The following PPFIA2 variants were observed in gnomAD, a reference collection of about 807,000 sequenced individuals.
The protein encoded by PPFIA2 is PPFI scaffold protein A2.
In PPFIA2, 46 loss-of-function variants were observed where a neutral mutation model predicts 175.5. The ratio of observed to expected loss-of-function variants is 0.26; its 90% confidence interval spans 0.21 to 0.34. The LOEUF (loss-of-function observed/expected upper bound fraction) is 0.34. PPFIA2 is among the 10% of genes least tolerant of loss of function. The pLI is 1.00. For missense variants in PPFIA2, 1,179 were observed against 1,506.1 expected, an observed-to-expected ratio of 0.78 and a Z score of 3.60; for synonymous variants, 568 against 511.4, an observed-to-expected ratio of 1.11 and a Z score of -1.49.
chr12:81,635,720 A>T (rs2063911663), intron 4 of PPFIA2, among the ~76,000 whole-genome samples: 1 of 152,060 alleles, frequency 6.6e-6, no homozygotes, highest in Non-Finnish European at 1.5e-5. Flanking sequence ...TATTAGTTTG[A>T]GCTCCCTCAC....
chr12:81,672,675 T>A (rs899321343), intron 4 of PPFIA2, among the ~76,000 whole-genome samples: 4 of 152,024 alleles, frequency 2.6e-5, no homozygotes, highest in African/African-American at 9.7e-5. Context: ...AATGTATAGA[T>A]CTTATTATTC....
At chr12:81,448,003 G>GT (rs999269153) in intron 5 of PPFIA2, among the ~76,000 whole-genome samples, 36 of 149,952 alleles carry the variant, frequency 2.4e-4, no homozygotes, top group South Asian at 4.2e-4. Flanking sequence ...AATGAAAACT[G>GT]TTTTTTTTTC....
At chr12:81,493,227 A>T (rs61934749) in intron 4 of PPFIA2, among the ~76,000 whole-genome samples, 10,802 of 152,118 alleles carry the variant, frequency 0.071, 545 homozygotes, top group East Asian at 0.2. Flanking sequence ...CAAGTTGGAG[A>T]CGCTAATATA....
intron 4 of PPFIA2, among the ~76,000 whole-genome samples, chr12:81,592,866 C>T (rs145222957): frequency 1.7e-3 from 256 of 152,066 alleles, no homozygotes; most frequent in African/African-American, 5.9e-3. Context: ...AGTGATCCTC[C>T]GACCTCAGTC....
chr12:81,557,121 G>A (rs576549570), intron 4 of PPFIA2, among the ~76,000 whole-genome samples: 23 of 151,108 alleles, frequency 1.5e-4, no homozygotes, highest in Non-Finnish European at 3.2e-4. Flanking sequence ...ATTCTTATAT[G>A]CTTTTACTGA....
intron 4 of PPFIA2, among the ~76,000 whole-genome samples, chr12:81,485,361 T>C (rs746368080): frequency 3.4e-4 from 51 of 151,716 alleles, no homozygotes; most frequent in Non-Finnish European, 5.2e-4. Context: ...ATATAATTAT[T>C]CTTACATATT....
At chr12:81,267,198 CTTTTT>C in intron 29 of PPFIA2, 178 bp from the exon 30 acceptor site, 12 of 484,766 alleles carry the variant, frequency 2.5e-5, no homozygotes, top group East Asian at 4.0e-5. Flanking sequence ...AAAAACAGGG[CTTTTT>C]TTTTTTTTTC....
At chr12:81,476,344 G>GTTGA (rs1352679951) in intron 4 of PPFIA2, among the ~76,000 whole-genome samples, 1 of 152,164 alleles carries the variant, frequency 6.6e-6, no homozygotes, top group Non-Finnish European at 1.5e-5. Flanking sequence ...TAAAGCAGAA[G>GTTGA]TTGAATATGA....
chr12:81,713,724 T>C (rs1336936962), intron 3 of PPFIA2, among the ~76,000 whole-genome samples: 3 of 151,224 alleles, frequency 2.0e-5, no homozygotes, highest in African/African-American at 7.2e-5. Flanking sequence ...GTCACTGCTA[T>C]GAAGTTTATT....
intron 3 of PPFIA2, among the ~76,000 whole-genome samples, chr12:81,707,329 AAAAC>A (rs1252771291): frequency 4.6e-5 from 7 of 152,250 alleles, no homozygotes; most frequent in African/African-American, 1.4e-4. Flanking sequence ...TTACAAGAAA[AAAAC>A]AAACAACCCC....
Position 81,358,160 on chromosome 12 carries a change from G to T in PPFIA2, c.1695C>A (p.Ser565Arg). 1 of 1,598,204 alleles carries T rather than the reference G, an allele frequency of 6.3e-7. No individual in the cohort carries two copies. Among genetic ancestry groups the T allele is most frequent in the Non-Finnish European group, 8.5e-7 (1 of 1,171,722 alleles). ...LRYSVGSLVD[S>R]QSDYRTTKVI... ...CTTTAGTTGTTCTGTAATCAGACTG[G>T]CTGTCCACTAGGGATCCCACTGAGT... Residue 565 changes from serine (S) to arginine (R), a missense_variant, in exon 16 of 33, where the codon AGC (serine) becomes AGA (arginine). Around this residue, in one of 10 missense-constraint regions of PPFIA2, gnomAD observed 186 missense variants for 163.6 expected, o/e 1.14. Transcript: ENST00000549396.
rs552892343 is a variant in PPFIA2, at chr12:81,479,154, C to T, written c.304-21288G>A. Among the ~76,000 whole-genome samples, 27 of 152,168 alleles carry T rather than the reference C, an allele frequency of 1.8e-4. No individual in the cohort carries two copies. The South Asian group carries it at 3.3e-3, about 19-fold the overall frequency. On this transcript the variant is annotated intron_variant, in intron 4 of 32. Coordinates refer to ENST00000549396, the MANE Select transcript of PPFIA2 (RefSeq NM_003625.5). Reference sequence around the variant, plus strand: ...AGTTAGCTCTACTTGTTGCATTGATCCCTTTACCAGTATGTAATGGCCTTC... The same window carrying T: ...AGTTAGCTCTACTTGTTGCATTGATTCCTTTACCAGTATGTAATGGCCTTC...
intron 21 of PPFIA2, among the ~76,000 whole-genome samples, chr12:81,329,949 A>T (rs2055753678): frequency 6.6e-6 from 1 of 152,124 alleles, no homozygotes; most frequent in African/African-American, 2.4e-5. Context: ...GAGTCTTAAA[A>T]TTTTTCAAGG....
intron 27 of PPFIA2, among the ~76,000 whole-genome samples, chr12:81,277,766 T>C (rs925572456): frequency 1.3e-5 from 2 of 152,130 alleles, no homozygotes; most frequent in Non-Finnish European, 2.9e-5. Context: ...AAAGTCCCCA[T>C]TATGGAGACA....
intron 4 of PPFIA2, among the ~76,000 whole-genome samples, chr12:81,524,114 C>T (rs942291771): frequency 1.3e-5 from 2 of 152,162 alleles, no homozygotes; most frequent in African/African-American, 2.4e-5. Flanking sequence ...TCATGAAGAA[C>T]ATCAGTGCCC....
At chr12:81,706,534 T>A (rs1397695248) in intron 3 of PPFIA2, among the ~76,000 whole-genome samples, 1 of 152,228 alleles carries the variant, frequency 6.6e-6, no homozygotes, top group Non-Finnish European at 1.5e-5. Flanking sequence ...ATTCATTGAT[T>A]TCTAATAGAA....
chr12:81,498,780 A>G (rs2060284448), intron 4 of PPFIA2, among the ~76,000 whole-genome samples: 1 of 152,006 alleles, frequency 6.6e-6, no homozygotes, highest in African/African-American at 2.4e-5. Flanking sequence ...ACACACCACC[A>G]TGCTTGGATA....
At chr12:81,591,135 G>GAGCAAAGGTGAA (rs2058627800) in intron 4 of PPFIA2, among the ~76,000 whole-genome samples, 2 of 10,086 alleles carry the variant, frequency 2.0e-4, no homozygotes, top group East Asian at 0.012. Context: ...TTGGGAACTG[G>GAGCAAAGGTGAA]AGCAAAGGTG....
intron 4 of PPFIA2, among the ~76,000 whole-genome samples, chr12:81,531,689 T>C (rs1372459400): frequency 6.6e-6 from 1 of 151,472 alleles, no homozygotes; most frequent in Non-Finnish European, 1.5e-5. Context: ...AGGAACATTG[T>C]AGAATATTTA....
Sources: allele counts gnomAD v4.1 joint callset (sites outside exome capture counted in the v4.1 genomes callset), GRCh38; gene constraint gnomAD v4.1.1; regional missense constraint gnomAD v4.1.1; transcripts MANE v1.5; gene names NCBI Gene and HGNC (gene_info 2026-07-23, HGNC 2026-07-21).